The following SCRN3 variants were observed in gnomAD, a reference collection of about 807,000 sequenced individuals.
The protein encoded by SCRN3 is secernin-3.
SCRN3 carries 39 observed loss-of-function variants against 43.1 expected under a neutral mutation model. The ratio of observed to expected loss-of-function variants is 0.91; its 90% CI spans 0.70 to 1.18. The LOEUF is 1.18. SCRN3 is among the 50% of genes most tolerant of loss of function. The pLI, the probability that SCRN3 is intolerant of heterozygous loss-of-function variation, is 0.00. For synonymous variants in SCRN3, 147 were observed against 163.1 expected (o/e 0.90, Z 0.75); for missense variants, 484 against 498.0 (o/e 0.97, Z 0.27).
rs114303170 is a variant in SCRN3 at position 174,415,965 on chromosome 2, G to A, written c.755-6920G>A. Among the ~76,000 whole-genome samples, 1,037 of 152,174 alleles carry A rather than the reference G, an allele frequency of 6.8e-3. 10 individuals are homozygous for A. The highest frequency in any genetic ancestry group is 0.01 in the Non-Finnish European group (692 of 68,022). ...TGGCTGGTAAATGGTTCTATAAAGC[G>A]GTCAGAAAGCAACTACTCTGAGATG... On this transcript the variant is annotated intron_variant, in intron 5 of 7. Transcript: ENST00000272732.
At chr2:174,415,642 T>C (rs1686078352) in intron 5 of SCRN3, among the ~76,000 whole-genome samples, 2 of 152,126 alleles carry the variant, frequency 1.3e-5, no homozygotes, top group South Asian at 2.1e-4. Context: ...ATAAAATGTT[T>C]GTATTAAAAA....
intron 5 of SCRN3, among the ~76,000 whole-genome samples, chr2:174,412,510 T>C (rs1685956759): frequency 6.6e-6 from 1 of 152,196 alleles, no homozygotes; most frequent in South Asian, 2.1e-4. Flanking sequence ...TCTAGAGGAA[T>C]TGTGGTCCAA....
In SCRN3 at chr2:174,400,943, A is replaced by T. The variant is rs534271120; in HGVS notation, c.342-47A>T. The T allele has an allele frequency of 2.7e-4, 380 of 1,407,992 alleles. 5 individuals carry two copies. The South Asian group carries it at 4.8e-3, about 18-fold the overall frequency. 87.2% of individuals were successfully genotyped at this position (1,407,992 alleles called of 1,614,324 possible). Reference sequence around the variant, plus strand: ...ATGAGCATGAAATTATTTAAAAAAAATAATGGAAATTTATTTTAATATGAG... The same window carrying T: ...ATGAGCATGAAATTATTTAAAAAAATTAATGGAAATTTATTTTAATATGAG... On this transcript the variant is annotated intron_variant, in intron 3 of 7. Coordinates refer to ENST00000272732, the MANE Select transcript of SCRN3 (RefSeq NM_024583.5).
At chr2:174,398,755 A>T (rs1342730614) in intron 2 of SCRN3, among the ~76,000 whole-genome samples, 1 of 152,244 alleles carries the variant, frequency 6.6e-6, no homozygotes, top group Non-Finnish European at 1.5e-5. Flanking sequence ...TAGTATAGCA[A>T]TAAGATGTGT....
intron 1 of SCRN3, chr2:174,397,457 C>T (rs143613945): frequency 1.3e-6 from 1 of 767,290 alleles, no homozygotes; most frequent in East Asian, 1.3e-4. Flanking sequence ...AATATGTGAA[C>T]TTTCTCCTAG....
intron 7 of SCRN3, among the ~76,000 whole-genome samples, chr2:174,427,439 G>A (rs1360928889): frequency 6.6e-6 from 1 of 152,020 alleles, no homozygotes; most frequent in Non-Finnish European, 1.5e-5. Context: ...CTATTGTCCT[G>A]TTGTCTTTTA....
intron 5 of SCRN3, among the ~76,000 whole-genome samples, chr2:174,412,860 C>CTTTTTTTTT (rs71024803): frequency 1.6e-5 from 1 of 61,930 alleles, no homozygotes; most frequent in Non-Finnish European, 2.8e-5. Context: ...CCATATAGTG[C>CTTTTTTTTT]TTTTTTTTTT....
chr2:174,398,382 A>C lies in SCRN3; in HGVS notation c.99A>C (p.Glu33Asp). ...FGKNSDRLYDEVQEVVYFPAV... is the reference protein window; with the variant it reads ...FGKNSDRLYDDVQEVVYFPAV... ...AAAATTCAGATAGACTCTATGATGA[A>C]GTACAAGAGGTGGTTTATTTTCCTG... Residue 33 changes from glutamate to aspartate, a missense_variant, in exon 2 of 8, where the codon GAA becomes GAC. Glu to Asp is a conservative substitution (Grantham distance 45). Transcript: ENST00000272732. The C allele has an allele frequency of 6.2e-7, 1 of 1,608,738 alleles. No individual in the cohort carries two copies. The highest frequency in any genetic ancestry group is 8.5e-7 in the Non-Finnish European group (1 of 1,178,192).
At chr2:174,423,615 G>A (rs1225719390) in intron 6 of SCRN3, among the ~76,000 whole-genome samples, 3 of 151,698 alleles carry the variant, frequency 2.0e-5, no homozygotes, top group Non-Finnish European at 4.4e-5. Flanking sequence ...GATTACATGC[G>A]TGCGCCACCA....
Position 174,397,984 on chromosome 2 carries a change from C to T in SCRN3, c.-9-291C>T, listed in dbSNP as rs115236932. 1.4e-3 allele frequency among the ~76,000 whole-genome samples: 208 copies of T among 152,182 alleles called. 1 individual carries two copies. Among genetic ancestry groups the T allele is most frequent in the Non-Finnish European group, 2.5e-3 (171 of 68,020 alleles). ...AAAATTTAAAACTTTAATGAACAGC[C>T]AAGCACGGTCACTCATGCCTGTAAT... On this transcript the variant is annotated intron_variant, in intron 1 of 7. Coordinates refer to ENST00000272732, the MANE Select transcript of SCRN3 (RefSeq NM_024583.5).
chr2:174,427,774 T>A lies in SCRN3; in HGVS notation c.1154T>A (p.Met385Lys). The A allele has an allele frequency of 6.2e-7, 1 of 1,612,720 alleles. No individual in the cohort carries two copies. Among genetic ancestry groups the A allele is most frequent in the South Asian group, 1.1e-5 (1 of 91,000 alleles). ...RKLEKELFRE[M>K]ESILQNKHLD... The stretch of plus-strand genomic sequence containing the variant: ...CTGGAGAAAGAACTATTCAGAGAGA[T>A]GGAATCAATCCTTCAAAACAAGCAT... Residue 385 changes from methionine to lysine, a missense_variant, in exon 8 of 8, where the codon ATG becomes AAG. Transcript: ENST00000272732.
chr2:174,415,464 T>C (rs1686070967), intron 5 of SCRN3, among the ~76,000 whole-genome samples: 1 of 152,230 alleles, frequency 6.6e-6, no homozygotes, highest in Non-Finnish European at 1.5e-5. Context: ...ATTTTCATGT[T>C]GGGTTATTAC....
intron 1 of SCRN3, chr2:174,397,101 A>T: frequency 1.0e-6 from 1 of 983,308 alleles, no homozygotes; most frequent in South Asian, 4.7e-5. Context: ...GAAAGAAAAT[A>T]ACAGAAGCCA....
intron 7 of SCRN3, among the ~76,000 whole-genome samples, chr2:174,425,273 G>T (rs1686441704): frequency 6.6e-6 from 1 of 151,842 alleles, no homozygotes; most frequent in Admixed American, 6.6e-5. Context: ...ATTTTTTTCT[G>T]GTATAGATAG....
intron 7 of SCRN3, 54 bp from the exon 8 acceptor site, chr2:174,427,659 T>C: frequency 9.0e-7 from 1 of 1,115,020 alleles, no homozygotes; most frequent in Middle Eastern, 2.8e-4. Context: ...TTGAATTTGG[T>C]TAGATTTATG....
chr2:174,398,417 A>G lies in SCRN3; in HGVS notation c.134A>G (p.His45Arg). The change falls in exon 2 of 8, where the codon CAT becomes CGT. Residue 45 changes from histidine (H) to arginine (R), a missense_variant. Transcript: ENST00000272732. ...QEVVYFPAVV[H>R]DNLGERLKCT... Reference sequence around the variant, plus strand: ...GTGGTTTATTTTCCTGCTGTAGTTCATGATAACCTGGGAGAACGTCTTAAG... The same window carrying G: ...GTGGTTTATTTTCCTGCTGTAGTTCGTGATAACCTGGGAGAACGTCTTAAG... The G allele has an allele frequency of 1.9e-6, 3 of 1,599,974 alleles. No homozygotes were observed. The highest frequency in any genetic ancestry group is 1.3e-5 in the African/African-American group (1 of 74,204).
intron 5 of SCRN3, 58 bp from the exon 6 acceptor site, chr2:174,422,827 T>C (rs2105623286): frequency 9.1e-7 from 1 of 1,099,020 alleles, no homozygotes; most frequent in Non-Finnish European, 1.3e-6. Flanking sequence ...GCAGTTCATA[T>C]TTGCAAGGCA....
At chr2:174,427,386 A>T (rs1035081972) in intron 7 of SCRN3, among the ~76,000 whole-genome samples, 4 of 152,144 alleles carry the variant, frequency 2.6e-5, no homozygotes, top group Non-Finnish European at 5.9e-5. Context: ...TTTCAGCCTC[A>T]GTTTTCAGCA....
chr2:174,418,577 C>T lies in SCRN3; in HGVS notation c.755-4308C>T, dbSNP rs1448071644. ...GCTAGTGGATTACTTATGGCTATCC[C>T]ACTCAAGTGATCATGTAAATCCTCC... On this transcript the variant is annotated intron_variant, in intron 5 of 7. Transcript: ENST00000272732. 3.3e-5 allele frequency among the ~76,000 whole-genome samples: 5 copies of T among 152,182 alleles called. No individual in the cohort carries two copies. The South Asian group carries it at 8.3e-4, about 25-fold the overall frequency.
Sources: allele counts gnomAD v4.1 joint callset (sites outside exome capture counted in the v4.1 genomes callset), GRCh38; gene constraint gnomAD v4.1.1; transcripts MANE v1.5; gene names NCBI Gene and HGNC (gene_info 2026-07-23, HGNC 2026-07-21).